Variants in ZFC3H1 observed in about 807,000 individuals in gnomAD.
ZFC3H1 encodes the protein zinc finger C3H1-type containing.
In ZFC3H1, 71 loss-of-function variants were observed where a neutral mutation model predicts 243.7. That is an observed-to-expected ratio of 0.29 (90% CI 0.24 to 0.36). The LOEUF (loss-of-function observed/expected upper bound fraction) is 0.36, where lower values mean the gene tolerates loss of function less well. Ranked by LOEUF, ZFC3H1 falls within the 10% of genes least tolerant of loss-of-function variation. The pLI is 1.00. For synonymous variants in ZFC3H1, 838 were observed against 813.0 expected (o/e 1.03, Z -0.52); for missense variants, 1,966 against 2,317.1 (o/e 0.85, Z 3.11).
At chr12:71,644,785 T>G in intron 4 of ZFC3H1, 92 bp downstream of exon 4, 1 of 1,438,004 alleles carries the variant, frequency 7.0e-7, no homozygotes. Context: ...GCCACTGTAC[T>G]CCAGCCTGGG....
At chr12:71,611,224 A>G in intron 32 of ZFC3H1, 127 bp from the exon 33 acceptor site, 1 of 957,554 alleles carries the variant, frequency 1.0e-6, no homozygotes, top group Non-Finnish European at 1.4e-6. Flanking sequence ...AAACTTCCTG[A>G]AAGTTAACAG....
intron 8 of ZFC3H1, 82 bp downstream of exon 8, chr12:71,636,768 T>G: frequency 6.4e-7 from 1 of 1,564,676 alleles, no homozygotes; most frequent in Non-Finnish European, 8.7e-7. Context: ...AGCCCAATGA[T>G]GCCCAAGTAA....
chr12:71,657,765 G>A (rs1881058607), intron 1 of ZFC3H1, among the ~76,000 whole-genome samples: 1 of 152,132 alleles, frequency 6.6e-6, no homozygotes, highest in African/African-American at 2.4e-5. Flanking sequence ...GAGGCAGGAG[G>A]ATCACTTGAG....
At chr12:71,618,867 T>C (rs960000752) in intron 27 of ZFC3H1, among the ~76,000 whole-genome samples, 1 of 152,116 alleles carries the variant, frequency 6.6e-6, no homozygotes, top group Non-Finnish European at 1.5e-5. Flanking sequence ...TGAAACGTCT[T>C]ACTCTATAAC....
chr12:71,631,961 T>A lies in ZFC3H1; in HGVS notation c.3360+11A>T, dbSNP rs1398455947. The A allele has an allele frequency of 6.2e-7, 1 of 1,602,636 alleles. No individual in the cohort carries two copies. Among genetic ancestry groups the A allele is most frequent in the South Asian group, 1.1e-5 (1 of 89,126 alleles). ...TCCAGATTTTAAAGAAAATATGAAA[T>A]GTTCAGTTACCTGACCATGCAAAAC... On this transcript the variant is annotated intron_variant, in intron 15 of 34. Transcript: ENST00000378743.
At chr12:71,646,295 C>A (rs1880728669) in intron 3 of ZFC3H1, among the ~76,000 whole-genome samples, 1 of 152,138 alleles carries the variant, frequency 6.6e-6, no homozygotes, top group Non-Finnish European at 1.5e-5. Flanking sequence ...TTCTACGTCA[C>A]TTAAACGTAT....
Position 71,662,929 on chromosome 12 carries a change from G to T in ZFC3H1, c.598+84C>A, listed in dbSNP as rs925087958. The T allele has an allele frequency of 5.9e-6, 8 of 1,353,648 alleles. No individual in the cohort carries two copies. The Admixed American group carries it at 1.6e-4, about 27-fold the overall frequency. 83.9% of individuals were successfully genotyped at this position (1,353,648 alleles called of 1,614,324 possible). A position where few individuals can be genotyped will look rare whatever the true frequency, so the allele number is the denominator to read the frequency against. On this transcript the variant is annotated intron_variant, in intron 1 of 34. Coordinates refer to ENST00000378743, the MANE Select transcript of ZFC3H1 (RefSeq NM_144982.5). ...AAATAAGCGGTTCTGATGATTCAAAGTTACACTCGTCTCACAGACCTAGTA... is the reference window on the plus strand; with the variant it reads ...AAATAAGCGGTTCTGATGATTCAAATTTACACTCGTCTCACAGACCTAGTA...
chr12:71,634,595 A>C, intron 11 of ZFC3H1, 109 bp downstream of exon 11: 2 of 1,272,974 alleles, frequency 1.6e-6, no homozygotes, highest in Non-Finnish European at 2.1e-6. Context: ...TTAACTCTGT[A>C]TCTTGGATAA....
Position 71,663,498 on chromosome 12 carries a change from C to T in ZFC3H1, c.113G>A (p.Ser38Asn), listed in dbSNP as rs757892160. 6.2e-7 allele frequency: 1 copy of T among 1,613,390 alleles called. No individual in the cohort carries two copies. The highest frequency in any genetic ancestry group is 2.2e-5 in the East Asian group (1 of 44,896). Residue 38 changes from serine (S) to asparagine (N), a missense_variant, in exon 1 of 35, where the codon AGT becomes AAT. By Grantham distance (46) the Ser-to-Asn change is conservative. Coordinates refer to ENST00000378743, the MANE Select transcript of ZFC3H1 (RefSeq NM_144982.5). ...SDDDNNSQIR[S>N]RSSSSSSGGG... is the part of the protein sequence containing the mutation. ...GCCGCTGCTGCTGCTGCTGCTCCGA[C>T]TCCGTATCTGGCTGTTATTATCGTC...
rs1352078522 is a variant in ZFC3H1, at chr12:71,634,748, T to A, written c.2316A>T (p.Glu772Asp). 2 of 1,607,768 alleles carry A rather than the reference T, an allele frequency of 1.2e-6. No homozygotes were observed. The highest frequency in any genetic ancestry group is 3.4e-5 in the Admixed American group (2 of 58,920). ...ACAATCTATATTCAATCTTCTTTTC[T>A]TCAGGCAAAGCCTCCGGTGTTCGCA... ...DPLRTPEALP[E>D]EKKIEYRLLK... Residue 772 changes from glutamate (E) to aspartate (D), a missense_variant, in exon 11 of 35, where the codon GAA becomes GAT. Transcript: ENST00000378743.
intron 3 of ZFC3H1, 73 bp from the exon 4 acceptor site, chr12:71,645,148 C>A: frequency 7.2e-7 from 1 of 1,394,710 alleles, no homozygotes. Flanking sequence ...CAAGTCAAAT[C>A]CTTTATGATA....
chr12:71,626,430 A>G lies in ZFC3H1; in HGVS notation c.4147T>C (p.Leu1383=), dbSNP rs775147007. The stretch of plus-strand genomic sequence containing the variant: ...GCCAGAACATTTAAAGCAGAATCCA[A>G]GGATTCTGAGCACTCCCTGTATATA... ...NQNEGECSES[L]DSALNVLARA... The change falls in exon 22 of 35, where the codon TTG becomes CTG. Residue 1383 remains leucine (L), a synonymous_variant. Coordinates refer to ENST00000378743, the MANE Select transcript of ZFC3H1 (RefSeq NM_144982.5). 17 of 1,613,792 alleles carry G rather than the reference A, an allele frequency of 1.1e-5. 1 individual carries two copies. In the South Asian group the frequency reaches 1.8e-4, roughly 17 times the overall value.
At chr12:71,652,713 G>A (rs778687085) in intron 2 of ZFC3H1, among the ~76,000 whole-genome samples, 1 of 152,072 alleles carries the variant, frequency 6.6e-6, no homozygotes, top group Non-Finnish European at 1.5e-5. Flanking sequence ...ATCCCTCTGT[G>A]TTATACTTCT....
In ZFC3H1 at chr12:71,663,191, G is replaced by A. The variant is rs1881234635; in HGVS notation, c.420C>T (p.Ala140=). The change falls in exon 1 of 35, where the codon GCC becomes GCT. Residue 140 remains alanine, a synonymous_variant. Transcript: ENST00000378743. The part of the protein sequence containing the change: ...RPSFWERSHL[A]LDRFRFRGRP... ...TGCCTCGAAAGCGGAAACGGTCCAA[G>A]GCGAGGTGGCTCCGCTCCCAGAAAG... 1.2e-6 allele frequency: 2 copies of A among 1,614,130 alleles called. No individual in the cohort carries two copies. The highest frequency in any genetic ancestry group is 1.6e-4 in the Middle Eastern group (1 of 6,062).
chr12:71,651,604 A>C (rs1565826590), intron 2 of ZFC3H1, among the ~76,000 whole-genome samples: 1 of 152,352 alleles, frequency 6.6e-6, no homozygotes, highest in East Asian at 1.9e-4. Context: ...TAGTTTCAGT[A>C]TTGTGATGGG....
intron 7 of ZFC3H1, among the ~76,000 whole-genome samples, chr12:71,637,795 T>C (rs887236641): frequency 1.3e-5 from 2 of 152,182 alleles, no homozygotes; most frequent in Non-Finnish European, 2.9e-5. Flanking sequence ...AGTTCCCTCT[T>C]ACACCTACTG....
At chr12:71,652,977 T>C (rs969926310) in intron 2 of ZFC3H1, among the ~76,000 whole-genome samples, 1 of 151,164 alleles carries the variant, frequency 6.6e-6, no homozygotes, top group Non-Finnish European at 1.5e-5. Context: ...CCATCTCATA[T>C]TACAACAAAA....
At chr12:71,651,923 C>T (rs1004445140) in intron 2 of ZFC3H1, among the ~76,000 whole-genome samples, 7 of 152,146 alleles carry the variant, frequency 4.6e-5, no homozygotes, top group African/African-American at 1.7e-4. Flanking sequence ...ACAGTCGTTA[C>T]CCTCAGGGTG....
chr12:71,617,231 T>C (rs981809112), intron 27 of ZFC3H1, among the ~76,000 whole-genome samples: 1 of 152,200 alleles, frequency 6.6e-6, no homozygotes, highest in African/African-American at 2.4e-5. Flanking sequence ...TATATCAATA[T>C]ACAATAAGTA....
Sources: gnomAD v4.1 joint callset for allele counts (sites outside exome capture counted in the v4.1 genomes callset) on GRCh38, gnomAD v4.1.1 for gene constraint, MANE v1.5 for transcripts, NCBI Gene and HGNC (gene_info 2026-07-23, HGNC 2026-07-21) for gene names.